Variants in DENND5A observed in about 807,000 individuals in gnomAD.
The protein encoded by DENND5A is DENN domain-containing protein 5A.
DENND5A carries 64 observed loss-of-function variants against 140.3 expected under a neutral mutation model. The observed-to-expected ratio is 0.46, with a 90% CI of 0.37 to 0.56. DENND5A has a LOEUF of 0.56. DENND5A is among the 20% of genes least tolerant of loss of function. The pLI is 0.00. For synonymous variants in DENND5A, 605 were observed against 607.7 expected, an observed-to-expected ratio of 1.00 and a Z score of 0.07; for missense variants, 1,292 against 1,593.8, an observed-to-expected ratio of 0.81 and a Z score of 3.22.
intron 1 of DENND5A, among the ~76,000 whole-genome samples, chr11:9,255,167 C>A (rs570320327): frequency 1.3e-5 from 2 of 152,274 alleles, no homozygotes; most frequent in South Asian, 4.1e-4. Context: ...CTTACAGCCA[C>A]TAAGATGGCT....
intron 21 of DENND5A, among the ~76,000 whole-genome samples, 170 bp downstream of exon 21, chr11:9,142,552 G>A (rs1035354138): frequency 6.6e-6 from 1 of 152,190 alleles, no homozygotes; most frequent in African/African-American, 2.4e-5. Flanking sequence ...CAAGGACGGG[G>A]AGGAGAGCTC....
intron 11 of DENND5A, among the ~76,000 whole-genome samples, chr11:9,164,056 G>GTTTTT (rs768604681): frequency 0.018 from 1,069 of 57,960 alleles, 240 homozygotes; most frequent in South Asian, 0.025. Context: ...TATTAATCAG[G>GTTTTT]TTTTTTTTTT....
intron 10 of DENND5A, 133 bp downstream of exon 10, chr11:9,169,723 A>G (rs1848309071): frequency 1.6e-6 from 1 of 623,390 alleles, no homozygotes; most frequent in Admixed American, 2.7e-5. Context: ...AACTAGACCT[A>G]TTATTAACCC....
rs1849632758 is a variant in DENND5A at position 9,204,559 on chromosome 11, A to G, written c.292-242T>C. ...AGCACAGACAACTCAGCCTGGGAAT[A>G]TCAGAAAAAGCTACAAAAATGGGCC... is the stretch of plus-strand genomic sequence containing the variant. On this transcript the variant is annotated intron_variant, in intron 3 of 22. Coordinates refer to ENST00000328194, the MANE Select transcript of DENND5A (RefSeq NM_015213.4). Among the ~76,000 whole-genome samples, 4 of 152,232 alleles carry G rather than the reference A, an allele frequency of 2.6e-5. 1 individual carries two copies. Among genetic ancestry groups the G allele is most frequent in the Admixed American group, 2.6e-4 (4 of 15,284 alleles).
chr11:9,151,066 C>T (rs999636958), intron 13 of DENND5A, among the ~76,000 whole-genome samples: 2 of 152,202 alleles, frequency 1.3e-5, no homozygotes, highest in African/African-American at 4.8e-5. Context: ...TTGCCTATGT[C>T]ACCAAGCAGC....
At chr11:9,223,058 T>C (rs192187436) in intron 1 of DENND5A, among the ~76,000 whole-genome samples, 4 of 152,354 alleles carry the variant, frequency 2.6e-5, no homozygotes, top group Admixed American at 6.5e-5. Flanking sequence ...GATTGTAGAA[T>C]GATCTAGAAT....
At chr11:9,179,349 C>A (rs574362202) in intron 6 of DENND5A, among the ~76,000 whole-genome samples, 1 of 152,022 alleles carries the variant, frequency 6.6e-6, no homozygotes, top group South Asian at 2.1e-4. Context: ...AGAGATTCTG[C>A]CATGAAAGAA....
chr11:9,182,401 G>A (rs539783776), intron 5 of DENND5A, among the ~76,000 whole-genome samples: 9 of 152,232 alleles, frequency 5.9e-5, no homozygotes, highest in African/African-American at 2.2e-4. Context: ...ACACAGAGAG[G>A]TTAAGTAACA....
At chr11:9,185,794 T>A (rs953486078) in intron 5 of DENND5A, among the ~76,000 whole-genome samples, 1 of 152,102 alleles carries the variant, frequency 6.6e-6, no homozygotes, top group Non-Finnish European at 1.5e-5. Context: ...GTGTATGTTA[T>A]CTCTGTGTCT....
chr11:9,167,278 A>AC (rs927238118), intron 10 of DENND5A, among the ~76,000 whole-genome samples: 14 of 150,848 alleles, frequency 9.3e-5, no homozygotes, highest in African/African-American at 3.2e-4. Flanking sequence ...TCTACTACCA[A>AC]CCCCCCAAGG....
At chr11:9,176,379 T>G (rs10840186) in intron 8 of DENND5A, among the ~76,000 whole-genome samples, 34,470 of 152,118 alleles carry the variant, frequency 0.23, 4,099 homozygotes, top group African/African-American at 0.28. Context: ...AAAAATGCCT[T>G]AACAAGGACA....
In DENND5A at chr11:9,237,870, G is replaced by A. The variant is rs377481905; in HGVS notation, c.109+27091C>T. 1.1e-3 allele frequency among the ~76,000 whole-genome samples: 162 copies of A among 152,238 alleles called. 1 individual carries two copies. The highest frequency in any genetic ancestry group is 3.5e-3 in the African/African-American group (146 of 41,534). ...TGCATTTCAGCCTGGGCGACAGAGCGAGGCTCCATTTCAAAAAAAAAGTAC... is the reference window on the plus strand; with the variant it reads ...TGCATTTCAGCCTGGGCGACAGAGCAAGGCTCCATTTCAAAAAAAAAGTAC... On this transcript the variant is annotated intron_variant, in intron 1 of 22. Coordinates refer to ENST00000328194, the MANE Select transcript of DENND5A (RefSeq NM_015213.4).
rs1847959481 is a variant in DENND5A, at chr11:9,160,878, A to G, written c.2284-13T>C. On this transcript the variant is annotated splice_polypyrimidine_tract_variant and intron_variant, in intron 11 of 22. Transcript: ENST00000328194. ...GCATCCTCTTGGTCTACAAGGAAGC[A>G]GTCAACAGGATTAAATAACCACAGT... 1 of 1,613,330 alleles carries G rather than the reference A, an allele frequency of 6.2e-7. No homozygotes were observed. Among genetic ancestry groups the G allele is most frequent in the Non-Finnish European group, 8.5e-7 (1 of 1,179,350 alleles).
intron 6 of DENND5A, among the ~76,000 whole-genome samples, chr11:9,180,376 C>T (rs2136175595): frequency 6.6e-6 from 1 of 152,216 alleles, no homozygotes; most frequent in Non-Finnish European, 1.5e-5. Context: ...TCACCTGAGC[C>T]CAGGAGATTG....
At chr11:9,189,636 T>TTTTG (rs538310630) in intron 5 of DENND5A, among the ~76,000 whole-genome samples, 61 of 152,006 alleles carry the variant, frequency 4.0e-4, no homozygotes, top group African/African-American at 1.4e-3. Context: ...TTTTTGGTTT[T>TTTTG]TTTGTTTGTT....
intron 1 of DENND5A, among the ~76,000 whole-genome samples, chr11:9,244,733 T>C (rs188200005): frequency 6.6e-6 from 1 of 152,134 alleles, no homozygotes; most frequent in African/African-American, 2.4e-5. Flanking sequence ...TAGAGTGCAG[T>C]GTCACTATCT....
chr11:9,230,319 C>T (rs1457072347), intron 1 of DENND5A, among the ~76,000 whole-genome samples: 1 of 131,068 alleles, frequency 7.6e-6, no homozygotes, highest in African/African-American at 2.8e-5. Flanking sequence ...GAGCTCACTA[C>T]AATCTCAACC....
chr11:9,225,161 G>T (rs139051287), intron 1 of DENND5A, among the ~76,000 whole-genome samples: 1 of 152,136 alleles, frequency 6.6e-6, no homozygotes, highest in African/African-American at 2.4e-5. Context: ...ACAATTTTTG[G>T]CAACTAAATC....
rs200567954 is a variant in DENND5A at position 9,240,713 on chromosome 11, AC to A, written c.109+24247del. ...CAACAGAGTGAGACCCTGTCTCAAA[AC>A]AAAAAAAAAGAACTGAAGAACTGAT... On this transcript the variant is annotated intron_variant, in intron 1 of 22. Coordinates refer to ENST00000328194, the MANE Select transcript of DENND5A (RefSeq NM_015213.4). 9.0e-4 allele frequency among the ~76,000 whole-genome samples: 136 copies of A among 150,904 alleles called. 1 individual carries two copies. The highest frequency in any genetic ancestry group is 1.4e-3 in the Admixed American group (21 of 15,106).
Sources: allele counts gnomAD v4.1 joint callset (sites outside exome capture counted in the v4.1 genomes callset), GRCh38; gene constraint gnomAD v4.1.1; transcripts MANE v1.5; gene names NCBI Gene and HGNC (gene_info 2026-07-23, HGNC 2026-07-21).